RARB: variants seen among roughly 807,000 people sequenced by gnomAD.
The protein encoded by RARB is retinoic acid receptor beta.
A neutral mutation model predicts 51.9 loss-of-function variants in RARB; 17 were observed. The ratio of observed to expected loss-of-function variants is 0.33; its 90% confidence interval spans 0.22 to 0.49. The LOEUF is 0.49. RARB is among the 20% of genes least tolerant of loss of function. The pLI, the probability that RARB is intolerant of heterozygous loss-of-function variation, is 0.99. For synonymous variants in RARB, 215 were observed against 195.4 expected, an observed-to-expected ratio of 1.10 and a Z score of -0.84; for missense variants, 369 against 550.8, an observed-to-expected ratio of 0.67 and a Z score of 3.30.
intron 1 of RARB, among the ~76,000 whole-genome samples, chr3:25,430,988 CTT>C (rs11360533): frequency 3.9e-3 from 408 of 105,168 alleles, no homozygotes; most frequent in African/African-American, 0.011. Context: ...AAAACTAAAA[CTT>C]TTTTTTTTTT....
intron 3 of RARB, among the ~76,000 whole-genome samples, chr3:25,565,856 G>T (rs1217865462): frequency 6.6e-6 from 1 of 152,106 alleles, no homozygotes; most frequent in African/African-American, 2.4e-5. Context: ...CCATGCAGGT[G>T]CTACTGCCAT....
At chr3:25,393,067 A>T (rs1050373672) in intron 5 of RARB, among the ~76,000 whole-genome samples, 6 of 152,074 alleles carry the variant, frequency 3.9e-5, no homozygotes, top group East Asian at 1.9e-4. Context: ...TGTCCCTTCT[A>T]TGCCGATTTT....
At chr3:24,919,652 T>C (rs556434356) in intron 2 of RARB, among the ~76,000 whole-genome samples, 1 of 152,226 alleles carries the variant, frequency 6.6e-6, no homozygotes, top group African/African-American at 2.4e-5. Context: ...TTAAACTGTT[T>C]AGTAGGATTT....
chr3:25,404,861 C>T (rs6550972), intron 5 of RARB, among the ~76,000 whole-genome samples: 65,635 of 151,962 alleles, frequency 0.43, 14,490 homozygotes, highest in East Asian at 0.73. Flanking sequence ...TTGTTGATTG[C>T]TTCTGAAATA....
chr3:24,886,054 C>T (rs1328022790), intron 2 of RARB, among the ~76,000 whole-genome samples: 1 of 152,126 alleles, frequency 6.6e-6, no homozygotes, highest in Non-Finnish European at 1.5e-5. Context: ...TACTAGGGTT[C>T]TTCTGACTTT....
intron 5 of RARB, among the ~76,000 whole-genome samples, chr3:25,585,885 A>T (rs1036262834): frequency 6.6e-5 from 10 of 152,188 alleles, no homozygotes; most frequent in Non-Finnish European, 1.3e-4. Context: ...AACCCAGGCA[A>T]GCTGCCTTCA....
At chr3:25,541,190 C>T (rs563454063) in intron 3 of RARB, among the ~76,000 whole-genome samples, 15 of 152,182 alleles carry the variant, frequency 9.9e-5, no homozygotes, top group African/African-American at 3.6e-4. Context: ...TTTTGCTGAC[C>T]CTTGCTCTCT....
intron 4 of RARB, among the ~76,000 whole-genome samples, chr3:25,142,351 A>T (rs113536576): frequency 6.6e-5 from 10 of 152,234 alleles, no homozygotes; most frequent in African/African-American, 2.2e-4. Context: ...GAAATAATAA[A>T]AAAAAAATCT....
At chr3:24,950,626 A>T (rs73820339) in intron 2 of RARB, among the ~76,000 whole-genome samples, 5 of 151,896 alleles carry the variant, frequency 3.3e-5, no homozygotes, top group Non-Finnish European at 7.4e-5. Flanking sequence ...CATTGTTGTC[A>T]TGTTTGCTAT....
rs140558157 is a variant in RARB at position 24,920,538 on chromosome 3, C to G, written c.-380+61786C>G. Among the ~76,000 whole-genome samples, 104 of 152,126 alleles carry G rather than the reference C, an allele frequency of 6.8e-4. No individual in the cohort carries two copies. In the East Asian group the frequency reaches 9.5e-3, roughly 14 times the overall value. On this transcript the variant is annotated intron_variant, in intron 2 of 11. Transcript: ENST00000383772. ...GGTTAAAATTGGGAATTTAAATAATCAACTCTAATTCTCTTCTTTTCCAGA... is the reference window on the plus strand; with the variant it reads ...GGTTAAAATTGGGAATTTAAATAATGAACTCTAATTCTCTTCTTTTCCAGA...
intron 2 of RARB, among the ~76,000 whole-genome samples, chr3:24,997,751 A>G (rs1389260878): frequency 6.6e-6 from 1 of 152,146 alleles, no homozygotes; most frequent in Non-Finnish European, 1.5e-5. Flanking sequence ...GTGGGAACTT[A>G]CTTTGCAGCC....
intron 1 of RARB, among the ~76,000 whole-genome samples, chr3:24,847,194 A>G (rs1702495962): frequency 6.6e-6 from 1 of 152,196 alleles, no homozygotes; most frequent in Non-Finnish European, 1.5e-5. Context: ...TAAGCCCTGC[A>G]AGTGTCTTTT....
chr3:24,944,172 G>A (rs1054540185), intron 2 of RARB, among the ~76,000 whole-genome samples: 1 of 152,114 alleles, frequency 6.6e-6, no homozygotes, highest in Non-Finnish European at 1.5e-5. Context: ...AAAGCCCATG[G>A]CAGACCTCAC....
At chr3:24,954,431 A>C (rs1183785249) in intron 2 of RARB, among the ~76,000 whole-genome samples, 7 of 152,200 alleles carry the variant, frequency 4.6e-5, no homozygotes, top group Admixed American at 4.6e-4. Context: ...CCTACATGGG[A>C]AATTACAACA....
chr3:25,297,584 C>G (rs763926032), intron 5 of RARB, among the ~76,000 whole-genome samples: 9 of 151,908 alleles, frequency 5.9e-5, no homozygotes, highest in Middle Eastern at 3.2e-3. Context: ...AAACCTAATT[C>G]ATAAAGAAAA....
intron 3 of RARB, among the ~76,000 whole-genome samples, chr3:25,074,421 C>G (rs17015771): frequency 6.6e-6 from 1 of 152,070 alleles, no homozygotes; most frequent in Admixed American, 6.6e-5. Context: ...TGCTATTTCC[C>G]GTTACTCCCT....
intron 1 of RARB, among the ~76,000 whole-genome samples, chr3:25,445,529 G>C (rs1708890586): frequency 6.6e-6 from 1 of 152,070 alleles, no homozygotes; most frequent in South Asian, 2.1e-4. Context: ...AACCTGGCAT[G>C]GTGGGGGCAC....
chr3:25,057,745 T>G (rs779133052), intron 2 of RARB, among the ~76,000 whole-genome samples: 4 of 152,018 alleles, frequency 2.6e-5, no homozygotes, highest in Non-Finnish European at 4.4e-5. Context: ...TCATTCAGAC[T>G]TACTAGAAGA....
At chr3:25,455,432 C>T (rs1320958697) in intron 1 of RARB, among the ~76,000 whole-genome samples, 1 of 152,192 alleles carries the variant, frequency 6.6e-6, no homozygotes, top group Non-Finnish European at 1.5e-5. Flanking sequence ...GCAGGCCACA[C>T]TTTGAGGAAC....
Sources: allele counts gnomAD v4.1 joint callset (sites outside exome capture counted in the v4.1 genomes callset), GRCh38; gene constraint gnomAD v4.1.1; transcripts MANE v1.5; gene names NCBI Gene and HGNC (gene_info 2026-07-23, HGNC 2026-07-21).